PDIA3: variants seen among roughly 807,000 people sequenced by gnomAD.
PDIA3 encodes the protein protein disulfide isomerase family A member 3.
PDIA3 carries 16 observed loss-of-function variants against 56.9 expected under a neutral mutation model. That is an observed-to-expected ratio of 0.28 (90% confidence interval 0.19 to 0.43). The LOEUF is 0.43. PDIA3 is among the 20% of genes least tolerant of loss of function. The pLI, the probability that PDIA3 is intolerant of heterozygous loss-of-function variation, is 1.00. For missense variants in PDIA3, 485 were observed against 621.3 expected, an observed-to-expected ratio of 0.78 and a Z score of 2.33; for synonymous variants, 192 against 216.5, an observed-to-expected ratio of 0.89 and a Z score of 0.99.
rs759234444 is a variant in PDIA3, at chr15:43,771,162, C to T, written c.1462C>T (p.Pro488Ser). Residue 488 changes from proline to serine, a missense_variant, in exon 13 of 13, where the codon CCT becomes TCT. Physicochemically the swap from Pro to Ser is moderately conservative, Grantham distance 74. Transcript: ENST00000300289. ...SYLQREATNP[P>S]VIQEEKPKKK... Reference sequence around the variant, plus strand: ...TCTACAAAGAGAAGCTACAAACCCCCCTGTAATTCAAGAAGAAAAACCCAA... The same window carrying T: ...TCTACAAAGAGAAGCTACAAACCCCTCTGTAATTCAAGAAGAAAAACCCAA... 1 of 1,612,806 alleles carries T rather than the reference C, an allele frequency of 6.2e-7. No individual in the cohort carries two copies. The highest frequency in any genetic ancestry group is 1.1e-5 in the South Asian group (1 of 91,040).
At chr15:43,767,769 C>CAAAAAAAAAA (rs11294471) in intron 8 of PDIA3, among the ~76,000 whole-genome samples, 4 of 73,446 alleles carry the variant, frequency 5.4e-5, no homozygotes, top group Admixed American at 1.6e-4. Flanking sequence ...GACTCTGTCT[C>CAAAAAAAAAA]AAAAAAAAAA....
rs763299517 is a variant in PDIA3 at position 43,773,274 on chromosome 15, C to A, written c.*2056C>A. 6.2e-7 allele frequency: 1 copy of A among 1,614,048 alleles called. No individual in the cohort carries two copies. Among genetic ancestry groups the A allele is most frequent in the Non-Finnish European group, 8.5e-7 (1 of 1,179,986 alleles). ...TCAAAAAGTAAAAATTCTCATTCTA[C>A]CTTGCTTCCGTTCCCAGACCTTGTC... On this transcript the variant is annotated 3_prime_UTR_variant, in exon 13 of 13. Transcript: ENST00000300289.
In PDIA3 at chr15:43,746,592, C is replaced by T. The variant is rs2086706788; in HGVS notation, c.53C>T (p.Ala18Val). 1.9e-6 allele frequency: 3 copies of T among 1,611,346 alleles called. No homozygotes were observed. Among genetic ancestry groups the T allele is most frequent in the Non-Finnish European group, 1.7e-6 (2 of 1,179,570 alleles). The change falls in exon 1 of 13, where the codon GCG (alanine) becomes GTG (valine). Residue 18 changes from alanine (A) to valine (V), a missense_variant. Transcript: ENST00000300289. ...CCGGGTGTGGCGCTGCTTCTTGCCG[C>T]GGCCCGCCTCGCCGCTGCCTCCGAC... ...LFPGVALLLA[A>V]ARLAAASDVL...
intron 2 of PDIA3, 71 bp downstream of exon 2, chr15:43,753,973 T>TTG (rs2086760617): frequency 9.8e-7 from 1 of 1,018,020 alleles, no homozygotes; most frequent in Non-Finnish European, 1.6e-6. Flanking sequence ...CTCAGCTTTG[T>TTG]TACATGGAAA....
chr15:43,753,061 T>G (rs1596018842), intron 1 of PDIA3: 1 of 342,348 alleles, frequency 2.9e-6, no homozygotes, highest in South Asian at 2.2e-5. Flanking sequence ...CATTACAGGG[T>G]TTCAGTCACA....
chr15:43,770,241 T>C lies in PDIA3; in HGVS notation c.1267-9T>C. On this transcript the variant is annotated splice_polypyrimidine_tract_variant and intron_variant, in intron 10 of 12. Coordinates refer to ENST00000300289, the MANE Select transcript of PDIA3 (RefSeq NM_005313.5). ...TGAAATGTAAACATTTAACCTGTTT[T>C]ATTAACAGCTCAGCAAAGACCCAAA... 1.2e-6 allele frequency: 2 copies of C among 1,610,462 alleles called. No homozygotes were observed. Among genetic ancestry groups the C allele is most frequent in the South Asian group, 2.2e-5 (2 of 90,994 alleles).
In PDIA3 at chr15:43,756,659, C is replaced by T. The variant is rs373449252; in HGVS notation, c.257C>T (p.Thr86Ile). ...GIVPLAKVDC[T>I]ANTNTCNKYG... ...TATTTTGATCTTTAGGTTGATTGCA[C>T]TGCCAACACTAACACCTGTAATAAA... The change falls in exon 3 of 13, where the codon ACT (threonine) becomes ATT (isoleucine). Residue 86 changes from threonine to isoleucine, a missense_variant. By Grantham distance (89) the Thr-to-Ile change is moderately conservative. Transcript: ENST00000300289. 7.6e-6 allele frequency: 12 copies of T among 1,586,802 alleles called. No homozygotes were observed. Among genetic ancestry groups the T allele is most frequent in the Non-Finnish European group, 9.5e-6 (11 of 1,157,150 alleles).
intron 3 of PDIA3, among the ~76,000 whole-genome samples, chr15:43,758,517 G>T (rs1036460132): frequency 9.2e-5 from 14 of 151,692 alleles, no homozygotes; most frequent in Admixed American, 5.3e-4. Context: ...AAATTAGCTG[G>T]GTGTGATGCG....
chr15:43,769,735 C>T (rs916102048), intron 10 of PDIA3, 89 bp downstream of exon 10: 2 of 1,386,766 alleles, frequency 1.4e-6, no homozygotes, highest in African/African-American at 2.8e-5. Context: ...TGGTTGGTTC[C>T]TAAGTACTGA....
chr15:43,753,369 T>C (rs1361224972), intron 1 of PDIA3, among the ~76,000 whole-genome samples: 1 of 152,116 alleles, frequency 6.6e-6, no homozygotes, highest in Non-Finnish European at 1.5e-5. Context: ...TGAGCTTCAG[T>C]CACTATTTTT....
At chr15:43,751,127 G>C (rs1334194720) in intron 1 of PDIA3, among the ~76,000 whole-genome samples, 1 of 92,094 alleles carries the variant, frequency 1.1e-5, no homozygotes, top group Non-Finnish European at 2.3e-5. Flanking sequence ...GCAAGACTCC[G>C]TCTCGAAAAA....
At position 43,771,708 on chromosome 15, in the gene PDIA3, TTAAA is replaced by T; in HGVS notation, c.*493_*496del. ...AAACTACATTTTTGTTTTGATTAAT[TTAAA>T]TAGCCATACAGTTGCTACCATACTG... is the stretch of plus-strand genomic sequence containing the variant. On this transcript the variant is annotated 3_prime_UTR_variant, in exon 13 of 13. Coordinates refer to ENST00000300289, the MANE Select transcript of PDIA3 (RefSeq NM_005313.5). The T allele has an allele frequency of 2.5e-6, 1 of 398,688 alleles. No individual in the cohort carries two copies. Among genetic ancestry groups the T allele is most frequent in the Non-Finnish European group, 4.4e-6 (1 of 226,478 alleles). 24.7% of individuals were successfully genotyped at this position (398,688 alleles called of 1,614,324 possible). A position where few individuals can be genotyped will look rare whatever the true frequency, so the allele number is the denominator to read the frequency against.
rs1200585632 is a variant in PDIA3, at chr15:43,765,872, A to T, written c.720-15A>T. 1 of 1,602,722 alleles carries T rather than the reference A, an allele frequency of 6.2e-7. No homozygotes were observed. Among genetic ancestry groups the T allele is most frequent in the Non-Finnish European group, 8.5e-7 (1 of 1,177,092 alleles). On this transcript the variant is annotated splice_polypyrimidine_tract_variant and intron_variant, in intron 6 of 12. Coordinates refer to ENST00000300289, the MANE Select transcript of PDIA3 (RefSeq NM_005313.5). The stretch of plus-strand genomic sequence containing the variant: ...AACTTGGCAAGCCAGTTGATAATGG[A>T]TTATTTCATTTCAGTTTTGGTATCT...
chr15:43,751,938 A>G (rs532895156), intron 1 of PDIA3, among the ~76,000 whole-genome samples: 2 of 152,342 alleles, frequency 1.3e-5, no homozygotes, highest in East Asian at 1.9e-4. Flanking sequence ...GACAACTACT[A>G]TATATTCAAC....
intron 3 of PDIA3, among the ~76,000 whole-genome samples, chr15:43,757,124 G>A (rs2086783136): frequency 6.6e-6 from 1 of 152,168 alleles, no homozygotes; most frequent in Non-Finnish European, 1.5e-5. Flanking sequence ...AGGGGGAGAA[G>A]GCAACAAACA....
In PDIA3 at chr15:43,773,018, A is replaced by G. The variant is rs1331531544; in HGVS notation, c.*1800A>G. The G allele has an allele frequency of 8.6e-7, 1 of 1,159,920 alleles. No homozygotes were observed. The highest frequency in any genetic ancestry group is 2.3e-5 in the Admixed American group (1 of 42,984). The allele number at this position is 1,159,920 out of a possible 1,614,324, so 71.9% of individuals were successfully genotyped here. A position where few individuals can be genotyped will look rare whatever the true frequency, so the allele number is the denominator to read the frequency against. On this transcript the variant is annotated 3_prime_UTR_variant, in exon 13 of 13. Transcript: ENST00000300289. ...CTTGCCACCATGGACTCCAGTGGTC[A>G]GCATAAGAAAAGCAGATAGTTGCAT... is the stretch of plus-strand genomic sequence containing the variant.
intron 3 of PDIA3, among the ~76,000 whole-genome samples, chr15:43,760,530 CTTTT>C (rs199578385): frequency 1.3e-4 from 15 of 116,772 alleles, no homozygotes; most frequent in Non-Finnish European, 2.4e-4. Flanking sequence ...AAAAAAAAAA[CTTTT>C]TTTTTTTTTT....
At chr15:43,762,107 G>GAC (rs2086820006) in intron 4 of PDIA3, among the ~76,000 whole-genome samples, 1 of 152,046 alleles carries the variant, frequency 6.6e-6, no homozygotes, top group Non-Finnish European at 1.5e-5. Context: ...CTGCATCTTA[G>GAC]ATGTTCATTG....
At chr15:43,756,891 C>G (rs1158020300) in intron 3 of PDIA3, 125 bp downstream of exon 3, 4 of 585,244 alleles carry the variant, frequency 6.8e-6, no homozygotes, top group Non-Finnish European at 1.2e-5. Flanking sequence ...TCTAAGAGGT[C>G]AGTTTGGTGG....
Sources: allele counts gnomAD v4.1 joint callset (sites outside exome capture counted in the v4.1 genomes callset), GRCh38; gene constraint gnomAD v4.1.1; transcripts MANE v1.5; gene names NCBI Gene and HGNC (gene_info 2026-07-23, HGNC 2026-07-21).